The following ZNF436 variants were observed in gnomAD, a reference collection of about 807,000 sequenced individuals.
The protein encoded by ZNF436 is DNA-binding protein.
Under a neutral mutation model 41.9 loss-of-function variants are expected in ZNF436, and 22 were observed. The observed-to-expected ratio is 0.53, with a 90% CI of 0.38 to 0.75. The LOEUF (loss-of-function observed/expected upper bound fraction) is 0.75. Ranked by LOEUF, ZNF436 falls within the 30% of genes least tolerant of loss-of-function variation. The probability of loss-of-function intolerance (pLI) is 0.00; values close to 1 mark genes in which losing one functional copy is unlikely to be tolerated. For missense variants in ZNF436, 506 were observed against 587.3 expected (o/e 0.86, Z 1.43); for synonymous variants, 217 against 197.8 (o/e 1.10, Z -0.82).
At chr1:23,364,384 C>A (rs550940499) in intron 3 of ZNF436, among the ~76,000 whole-genome samples, 144 of 152,222 alleles carry the variant, frequency 9.5e-4, no homozygotes, top group African/African-American at 3.1e-3. Context: ...ATTACAGGTG[C>A]CCGCCACCAC....
Position 23,367,994 on chromosome 1 carries a change from G to A in ZNF436, c.12C>T (p.Thr4=). The change falls in exon 2 of 4, where the codon ACC becomes ACT. Residue 4 remains threonine, a synonymous_variant. Transcript: ENST00000314011. MAA[T]LLMAGSQAPV... is the part of the protein sequence containing the mutation. ...TTACCTGGGACCCAGCCATGAGCAG[G>A]GTGGCTGCCATCTCGAGCACAAGGG... The A allele has an allele frequency of 6.2e-7, 1 of 1,614,146 alleles. No individual in the cohort carries two copies. The highest frequency in any genetic ancestry group is 8.5e-7 in the Non-Finnish European group (1 of 1,180,028).
In ZNF436 at chr1:23,366,832, C is replaced by T. The variant is rs968449929; in HGVS notation, c.160+210G>A. On this transcript the variant is annotated intron_variant, in intron 3 of 3. Transcript: ENST00000314011. ...TGACTCAGGGCACAAGAAATCTGAA[C>T]GTCTAAGACGTGCAGAAGCAGTTTT... 2.6e-5 allele frequency among the ~76,000 whole-genome samples: 4 copies of T among 152,184 alleles called. No homozygotes were observed. In the South Asian group the frequency reaches 8.3e-4, roughly 31 times the overall value.
chr1:23,368,185 C>T lies in ZNF436; in HGVS notation c.-60-120G>A, dbSNP rs1195434071. 3.5e-5 allele frequency: 22 copies of T among 636,332 alleles called. No homozygotes were observed. The South Asian group carries it at 4.1e-4, about 12-fold the overall frequency. 39.4% of individuals were successfully genotyped at this position (636,332 alleles called of 1,614,324 possible). On this transcript the variant is annotated intron_variant, in intron 1 of 3. Transcript: ENST00000314011. ...CCCTGGACCAGGGCCGGGTCACTCTCCTCCCTGACCCTCGAGCGCGACCCG... is the reference window on the plus strand; with the variant it reads ...CCCTGGACCAGGGCCGGGTCACTCTTCTCCCTGACCCTCGAGCGCGACCCG...
In ZNF436 at chr1:23,360,833, A is replaced by T. The variant is rs1173563749; in HGVS notation, c.*1136T>A. 1.3e-5 allele frequency: 2 copies of T among 152,682 alleles called. No individual in the cohort carries two copies. Among genetic ancestry groups the T allele is most frequent in the Non-Finnish European group, 2.9e-5 (2 of 68,042 alleles). The allele number at this position is 152,682 out of a possible 1,614,324, so 9.5% of individuals were successfully genotyped here. A position where few individuals can be genotyped will look rare whatever the true frequency, so the allele number is the denominator to read the frequency against. Reference sequence around the variant, plus strand: ...TTATTTTCCATAATGAAAAAAGGACATTTCTCACATTGGAGTTATGTCTGT... The same window carrying T: ...TTATTTTCCATAATGAAAAAAGGACTTTTCTCACATTGGAGTTATGTCTGT... On this transcript the variant is annotated 3_prime_UTR_variant, in exon 4 of 4. Transcript: ENST00000314011.
intron 1 of ZNF436, among the ~76,000 whole-genome samples, chr1:23,368,567 C>G (rs1334416649): frequency 1.3e-5 from 2 of 152,192 alleles, no homozygotes; most frequent in Admixed American, 1.3e-4. Flanking sequence ...GGCCAAAAGC[C>G]AAGGAGGGAA....
At position 23,362,024 on chromosome 1, in the gene ZNF436, T is replaced by C; in HGVS notation, c.1358A>G (p.Lys453Arg). Residue 453 changes from lysine (K) to arginine (R), a missense_variant, in exon 4 of 4, where the codon AAG (lysine) becomes AGG (arginine). By Grantham distance (26) the Lys-to-Arg change is conservative. Around this residue, in one of 2 missense-constraint regions of ZNF436, gnomAD observed 278 missense variants for 372.1 expected, o/e 0.75. Transcript: ENST00000314011. The stretch of plus-strand genomic sequence containing the variant: ...AAGAGCTGAGCTCCTGCTGAAACTC[T>C]TCTCACATTCGGTACATTCATAAGG... ...EKPYECTECE[K>R]SFSRSSALIK... 6.2e-7 allele frequency: 1 copy of C among 1,614,064 alleles called. No homozygotes were observed.
At chr1:23,369,265 C>T (rs373014638) in intron 1 of ZNF436, 101 bp downstream of exon 1, 70 of 459,074 alleles carry the variant, frequency 1.5e-4, no homozygotes, top group South Asian at 8.3e-4. Flanking sequence ...GGACCCTGGG[C>T]GTCTGAGGCC....
chr1:23,360,953 C>A lies in ZNF436; in HGVS notation c.*1016G>T, dbSNP rs778239654. ...AACCACAGGAATACACATTACTGTACATACACATGCCCTGATGCAAGCTAA... is the reference window on the plus strand; with the variant it reads ...AACCACAGGAATACACATTACTGTAAATACACATGCCCTGATGCAAGCTAA... On this transcript the variant is annotated 3_prime_UTR_variant, in exon 4 of 4. Coordinates refer to ENST00000314011, the MANE Select transcript of ZNF436 (RefSeq NM_001077195.2). The A allele has an allele frequency of 6.6e-6, 1 of 152,630 alleles. No individual in the cohort carries two copies. The highest frequency in any genetic ancestry group is 1.5e-5 in the Non-Finnish European group (1 of 68,042). 9.5% of individuals were successfully genotyped at this position (152,630 alleles called of 1,614,324 possible).
Position 23,362,888 on chromosome 1 carries a change from G to C in ZNF436, c.494C>G (p.Pro165Arg). The C allele has an allele frequency of 3.7e-6, 6 of 1,614,176 alleles. No individual in the cohort carries two copies. The highest frequency in any genetic ancestry group is 4.2e-6 in the Non-Finnish European group (5 of 1,180,044). The change falls in exon 4 of 4, where the codon CCC becomes CGC. Residue 165 changes from proline (P) to arginine (R), a missense_variant. Coordinates refer to ENST00000314011, the MANE Select transcript of ZNF436 (RefSeq NM_001077195.2). ...TTTTCCACATTCATAACATTTATAG[G>C]GTCTGTCTCCAGTGTGGGTCTTCTG... is the stretch of plus-strand genomic sequence containing the variant. Reference protein sequence around the residue: ...RHQKTHTGDRPYKCYECGKGF... With the variant: ...RHQKTHTGDRRYKCYECGKGF...
chr1:23,362,978 A>G lies in ZNF436; in HGVS notation c.404T>C (p.Ile135Thr). The G allele has an allele frequency of 6.2e-7, 1 of 1,614,098 alleles. No individual in the cohort carries two copies. The highest frequency in any genetic ancestry group is 8.5e-7 in the Non-Finnish European group (1 of 1,180,020). ...ACAATGAGAACATATATGATAGCGG[A>G]TGCCTGTGTGGACTTCTTTGTGGAC... is the stretch of plus-strand genomic sequence containing the variant. ...LLVHKEVHTG[I>T]RYHICSHCGK... is the part of the protein sequence containing the mutation. Residue 135 changes from isoleucine (I) to threonine (T), a missense_variant, in exon 4 of 4, where the codon ATC (isoleucine) becomes ACC (threonine). Physicochemically the swap from Ile to Thr is moderately conservative, Grantham distance 89. Coordinates refer to ENST00000314011, the MANE Select transcript of ZNF436 (RefSeq NM_001077195.2).
chr1:23,365,775 G>A (rs550009794), intron 3 of ZNF436, among the ~76,000 whole-genome samples: 11 of 151,530 alleles, frequency 7.3e-5, no homozygotes, highest in South Asian at 2.1e-4. Flanking sequence ...AGAATTAGCC[G>A]GGCAAGGTGG....
chr1:23,362,516 T>C lies in ZNF436; in HGVS notation c.866A>G (p.Glu289Gly). ...ATAGTGTTTGATGAGATCAGATCTC[T>C]CACTGAAGCCTCGGCCACATTCGTT... Reference protein sequence around the residue: ...ECNECGRGFSERSDLIKHYRV... With the variant: ...ECNECGRGFSGRSDLIKHYRV... Residue 289 changes from glutamate (E) to glycine (G), a missense_variant, in exon 4 of 4, where the codon GAG (glutamate) becomes GGG (glycine). By Grantham distance (98) the Glu-to-Gly change is moderately conservative (BLOSUM62 -2). This residue lies in a region of ZNF436 where 278 missense variants were observed against 372.1 expected (regional missense o/e 0.75). Transcript: ENST00000314011. The C allele has an allele frequency of 6.2e-7, 1 of 1,613,830 alleles. No individual in the cohort carries two copies. Among genetic ancestry groups the C allele is most frequent in the South Asian group, 1.1e-5 (1 of 91,068 alleles).
chr1:23,361,347 T>C lies in ZNF436; in HGVS notation c.*622A>G, dbSNP rs1173733933. 1 of 152,676 alleles carries C rather than the reference T, an allele frequency of 6.5e-6. No individual in the cohort carries two copies. The highest frequency in any genetic ancestry group is 1.5e-5 in the Non-Finnish European group (1 of 68,082). 9.5% of individuals were successfully genotyped at this position (152,676 alleles called of 1,614,324 possible). A position where few individuals can be genotyped will look rare whatever the true frequency, so the allele number is the denominator to read the frequency against. On this transcript the variant is annotated 3_prime_UTR_variant, in exon 4 of 4. Coordinates refer to ENST00000314011, the MANE Select transcript of ZNF436 (RefSeq NM_001077195.2). Reference sequence around the variant, plus strand: ...TTTCCAACCGTATCTTCAGTTAGCCTTCACAAAGATGCAAGCTTTAAAGGA... The same window carrying C: ...TTTCCAACCGTATCTTCAGTTAGCCCTCACAAAGATGCAAGCTTTAAAGGA...
chr1:23,361,245 AATAAC>A lies in ZNF436; in HGVS notation c.*719_*723del, dbSNP rs1420468020. On this transcript the variant is annotated 3_prime_UTR_variant, in exon 4 of 4. Coordinates refer to ENST00000314011, the MANE Select transcript of ZNF436 (RefSeq NM_001077195.2). The stretch of plus-strand genomic sequence containing the variant: ...ATTCATAAATCTGATTAATGGCAGT[AATAAC>A]TGTGGGCATCTTCTGCTAAAGTCAC... 1.3e-5 allele frequency: 2 copies of A among 152,682 alleles called. No homozygotes were observed. The highest frequency in any genetic ancestry group is 4.8e-5 in the African/African-American group (2 of 41,466). The allele number at this position is 152,682 out of a possible 1,614,324, so 9.5% of individuals were successfully genotyped here. A position where few individuals can be genotyped will look rare whatever the true frequency, so the allele number is the denominator to read the frequency against.
In ZNF436 at chr1:23,359,576, T is replaced by C. The variant is rs1010300364; in HGVS notation, c.*2393A>G. 3 of 152,570 alleles carry C rather than the reference T, an allele frequency of 2.0e-5. No individual in the cohort carries two copies. The highest frequency in any genetic ancestry group is 3.8e-4 in the East Asian group (2 of 5,206). The allele number at this position is 152,570 out of a possible 1,614,324, so 9.5% of individuals were successfully genotyped here. On this transcript the variant is annotated 3_prime_UTR_variant, in exon 4 of 4. Coordinates refer to ENST00000314011, the MANE Select transcript of ZNF436 (RefSeq NM_001077195.2). ...TTTGTTCATTAATTCTCCACAACCA[T>C]AGAAAACAGGCACAAAGTGTTCACG...
intron 1 of ZNF436, chr1:23,368,998 T>A (rs1638433579): frequency 3.1e-5 from 5 of 161,430 alleles, no homozygotes; most frequent in Admixed American, 1.8e-4. Context: ...CAGTAGAGCC[T>A]GGCGGTGTCT....
At chr1:23,366,846 A>T (rs1405159999) in intron 3 of ZNF436, among the ~76,000 whole-genome samples, 196 bp downstream of exon 3, 1 of 152,244 alleles carries the variant, frequency 6.6e-6, no homozygotes, top group South Asian at 2.1e-4. Flanking sequence ...TAAGACGTGC[A>T]GAAGCAGTTT....
Position 23,369,587 on chromosome 1 carries a change from A to T in ZNF436, c.-282T>A, listed in dbSNP as rs1290496150. 1 of 532,306 alleles carries T rather than the reference A, an allele frequency of 1.9e-6. No individual in the cohort carries two copies. The highest frequency in any genetic ancestry group is 3.9e-6 in the Non-Finnish European group (1 of 258,096). The allele number at this position is 532,306 out of a possible 1,614,324, so 33.0% of individuals were successfully genotyped here. A position where few individuals can be genotyped will look rare whatever the true frequency, so the allele number is the denominator to read the frequency against. On this transcript the variant is annotated 5_prime_UTR_variant, in exon 1 of 4. Transcript: ENST00000314011. ...CTGATCCTAAAGACTCAGATTCCCGAGGCCTCAGACTCGCAGGCAGCTCAG... is the reference window on the plus strand; with the variant it reads ...CTGATCCTAAAGACTCAGATTCCCGTGGCCTCAGACTCGCAGGCAGCTCAG...
chr1:23,363,294 T>C lies in ZNF436; in HGVS notation c.161-73A>G, dbSNP rs751163966. On this transcript the variant is annotated intron_variant, in intron 3 of 3. Coordinates refer to ENST00000314011, the MANE Select transcript of ZNF436 (RefSeq NM_001077195.2). ...ATTGTGTGCCAGGCACTATACTAAA[T>C]TTTTTTTTTTTTTAGACAGAGTCTC... 2.2e-4 allele frequency: 59 copies of C among 269,236 alleles called. No individual in the cohort carries two copies. In the South Asian group the frequency reaches 4.7e-3, roughly 22 times the overall value. The allele number at this position is 269,236 out of a possible 1,614,324, so 16.7% of individuals were successfully genotyped here.
Sources: allele counts gnomAD v4.1 joint callset (sites outside exome capture counted in the v4.1 genomes callset), GRCh38; gene constraint gnomAD v4.1.1; regional missense constraint gnomAD v4.1.1; transcripts MANE v1.5; gene names NCBI Gene and HGNC (gene_info 2026-07-23, HGNC 2026-07-21).